Variants in PDCD6IP observed in about 807,000 individuals in gnomAD.
The protein encoded by PDCD6IP is programmed cell death 6-interacting protein.
Under a neutral mutation model 103.7 loss-of-function variants are expected in PDCD6IP, and 43 were observed. That is an observed-to-expected ratio of 0.41 (90% CI 0.32 to 0.53). The LOEUF is 0.53. Ranked by LOEUF, PDCD6IP falls within the 20% of genes least tolerant of loss-of-function variation. The probability of loss-of-function intolerance (pLI) is 0.16; values close to 1 mark genes in which losing one functional copy is unlikely to be tolerated. For synonymous variants in PDCD6IP, 354 were observed against 378.7 expected (o/e 0.93, Z 0.76); for missense variants, 871 against 1,036.7 (o/e 0.84, Z 2.20).
rs1698122805 is a variant in PDCD6IP at position 33,868,771 on chromosome 3, C to A, written c.*2246C>A. ...TCAAGGAAAGGAAATCATCCCCAGA[C>A]CATTTATGCTGAGCTTTGGAATACT... On this transcript the variant is annotated 3_prime_UTR_variant, in exon 18 of 18. Transcript: ENST00000307296. 1 of 152,136 alleles carries A rather than the reference C, an allele frequency of 6.6e-6. No homozygotes were observed. The highest frequency in any genetic ancestry group is 1.5e-5 in the Non-Finnish European group (1 of 68,028). 9.4% of individuals were successfully genotyped at this position (152,136 alleles called of 1,614,324 possible).
At position 33,842,089 on chromosome 3, in the gene PDCD6IP, A is replaced by G. The variant is rs759953080; in HGVS notation, c.1359+15A>G. On this transcript the variant is annotated intron_variant, in intron 10 of 17. Transcript: ENST00000307296. ...TCCTAGATGAGGTATGTTTTATAAG[A>G]TTTGCTTTTCAAGTATAAACACTGT... 1 of 1,571,304 alleles carries G rather than the reference A, an allele frequency of 6.4e-7. No homozygotes were observed. Among genetic ancestry groups the G allele is most frequent in the South Asian group, 1.2e-5 (1 of 86,070 alleles).
At chr3:33,829,338 G>T (rs1208754701) in intron 7 of PDCD6IP, among the ~76,000 whole-genome samples, 8 of 151,720 alleles carry the variant, frequency 5.3e-5, no homozygotes, top group African/African-American at 1.7e-4. Context: ...CTCTTTTTTG[G>T]TCATGTTTAT....
intron 1 of PDCD6IP, among the ~76,000 whole-genome samples, chr3:33,804,282 A>G (rs367650078): frequency 5.3e-5 from 8 of 152,352 alleles, no homozygotes; most frequent in Non-Finnish European, 7.3e-5. Context: ...AGGAGGGGCC[A>G]GTCTCCTCCC....
chr3:33,799,255 CT>C (rs1696413433), intron 1 of PDCD6IP: 3 of 304,366 alleles, frequency 9.9e-6, no homozygotes, highest in Admixed American at 5.0e-5. Flanking sequence ...CTAGTCTTCA[CT>C]TTTTTGGGTC....
chr3:33,809,981 T>C (rs1696680571), intron 1 of PDCD6IP, among the ~76,000 whole-genome samples: 1 of 152,226 alleles, frequency 6.6e-6, no homozygotes, highest in Non-Finnish European at 1.5e-5. Context: ...GTAATGTTTA[T>C]TTTTATCGCT....
intron 1 of PDCD6IP, among the ~76,000 whole-genome samples, chr3:33,809,592 A>G (rs1374488410): frequency 6.6e-6 from 1 of 152,206 alleles, no homozygotes; most frequent in Non-Finnish European, 1.5e-5. Context: ...CTCCTGTATA[A>G]CCATAGTACA....
At chr3:33,807,043 A>G (rs1696614492) in intron 1 of PDCD6IP, among the ~76,000 whole-genome samples, 1 of 152,194 alleles carries the variant, frequency 6.6e-6, no homozygotes. Context: ...TGAGGGTTTC[A>G]TCACATAGCT....
At chr3:33,853,851 T>C (rs763173343) in intron 13 of PDCD6IP, 28 bp from the exon 14 acceptor site, 613 of 1,374,466 alleles carry the variant, frequency 4.5e-4, no homozygotes, top group Non-Finnish European at 4.1e-4. Context: ...TAAATAAATG[T>C]AAATATGTAA....
rs202085371 is a variant in PDCD6IP, at chr3:33,852,676, T to C, written c.1830T>C (p.Gly610=). 6.3e-6 allele frequency: 10 copies of C among 1,587,322 alleles called. No homozygotes were observed. The highest frequency in any genetic ancestry group is 8.5e-6 in the Non-Finnish European group (10 of 1,173,246). The change falls in exon 13 of 18, where the codon GGT becomes GGC. Residue 610 remains glycine (G), a synonymous_variant. Coordinates refer to ENST00000307296, the MANE Select transcript of PDCD6IP (RefSeq NM_013374.6). ...CTGAACTAGATCGAGTCTATGGAGG[T>C]CTTACAACTAAAGTCCAAGAATCTC... The part of the protein sequence containing the change: ...SVTELDRVYG[G]LTTKVQESLK...
At position 33,828,925 on chromosome 3, in the gene PDCD6IP, G is replaced by A. The variant is rs1697187707; in HGVS notation, c.790G>A (p.Ala264Thr). The change falls in exon 7 of 18, where the codon GCA (alanine) becomes ACA (threonine). Residue 264 changes from alanine to threonine, a missense_variant. Around this residue, in one of 5 missense-constraint regions of PDCD6IP, gnomAD observed 242 missense variants for 250.7 expected, o/e 0.97. Transcript: ENST00000307296. ...TGCTGAGTACCATCAGTCTATCCTG[G>A]CAAAACAGCAGAAGAAATTTGGAGA... ...ANAEYHQSILAKQQKKFGEEI... is the reference protein window; with the variant it reads ...ANAEYHQSILTKQQKKFGEEI... 1 of 1,609,474 alleles carries A rather than the reference G, an allele frequency of 6.2e-7. No individual in the cohort carries two copies.
At chr3:33,801,203 A>G (rs1354079092) in intron 1 of PDCD6IP, among the ~76,000 whole-genome samples, 2 of 152,204 alleles carry the variant, frequency 1.3e-5, no homozygotes, top group African/African-American at 2.4e-5. Context: ...TTAGATGTGA[A>G]TCAGTTGTGT....
rs1192408283 is a variant in PDCD6IP, at chr3:33,845,607, T to G, written c.1641+19T>G. 1 of 1,574,056 alleles carries G rather than the reference T, an allele frequency of 6.4e-7. No homozygotes were observed. The highest frequency in any genetic ancestry group is 2.3e-5 in the East Asian group (1 of 44,062). ...CAGTGAGGTAAGAAGGACACTTTGA[T>G]GTAGGTTGTCATCTGCTTAAGAAAA... On this transcript the variant is annotated intron_variant, in intron 12 of 17. Transcript: ENST00000307296.
At chr3:33,808,113 C>A (rs1309866504) in intron 1 of PDCD6IP, among the ~76,000 whole-genome samples, 1 of 152,182 alleles carries the variant, frequency 6.6e-6, no homozygotes, top group Non-Finnish European at 1.5e-5. Context: ...GCAAATAGAT[C>A]TAGTCTTTGC....
chr3:33,847,712 T>C (rs1559792570), intron 12 of PDCD6IP, among the ~76,000 whole-genome samples: 2 of 152,208 alleles, frequency 1.3e-5, no homozygotes. Context: ...GTTTTAGACA[T>C]TGAGATACTC....
At chr3:33,809,850 A>G (rs1234827046) in intron 1 of PDCD6IP, among the ~76,000 whole-genome samples, 1 of 152,204 alleles carries the variant, frequency 6.6e-6, no homozygotes, top group East Asian at 1.9e-4. Flanking sequence ...ATTTTCCTCA[A>G]TAAAGGCTTG....
chr3:33,851,750 A>G (rs1033802973), intron 12 of PDCD6IP, among the ~76,000 whole-genome samples: 5 of 152,196 alleles, frequency 3.3e-5, no homozygotes, highest in African/African-American at 9.6e-5. Context: ...ATGAACCTCT[A>G]CATCTGGCCT....
intron 7 of PDCD6IP, among the ~76,000 whole-genome samples, chr3:33,829,516 G>T (rs1387612873): frequency 6.6e-6 from 1 of 152,000 alleles, no homozygotes; most frequent in Non-Finnish European, 1.5e-5. Context: ...TATATCTCTT[G>T]TGAACAGCAG....
At chr3:33,820,078 G>A (rs531839805) in intron 3 of PDCD6IP, among the ~76,000 whole-genome samples, 1 of 152,246 alleles carries the variant, frequency 6.6e-6, no homozygotes, top group East Asian at 1.9e-4. Context: ...GAACCAACGA[G>A]TTCAAGACCA....
intron 14 of PDCD6IP, 67 bp downstream of exon 14, chr3:33,854,080 A>G (rs1697778104): frequency 2.7e-6 from 4 of 1,474,480 alleles, no homozygotes; most frequent in African/African-American, 1.5e-5. Flanking sequence ...TTTGGAAGTT[A>G]AGTGGTATTT....
Sources: gnomAD v4.1 joint callset for allele counts (sites outside exome capture counted in the v4.1 genomes callset) on GRCh38, gnomAD v4.1.1 for gene constraint, gnomAD v4.1.1 regional missense constraint, MANE v1.5 for transcripts, NCBI Gene and HGNC (gene_info 2026-07-23, HGNC 2026-07-21) for gene names.